AK5: variants seen among roughly 807,000 people sequenced by gnomAD.
The protein encoded by AK5 is adenylate kinase isoenzyme 5.
In AK5, 27 loss-of-function variants were observed where a neutral mutation model predicts 69.5. That is an observed-to-expected ratio of 0.39 (90% CI 0.29 to 0.54). The LOEUF is 0.54. AK5 is among the 20% of genes least tolerant of loss of function. AK5 has a pLI of 0.71. For synonymous variants in AK5, 260 were observed against 244.4 expected, an observed-to-expected ratio of 1.06 and a Z score of -0.60; for missense variants, 531 against 700.4, an observed-to-expected ratio of 0.76 and a Z score of 2.73.
chr1:77,448,963 A>G (rs1330619792), intron 8 of AK5, among the ~76,000 whole-genome samples: 1 of 152,144 alleles, frequency 6.6e-6, no homozygotes, highest in Non-Finnish European at 1.5e-5. Flanking sequence ...ATTTCAGAGG[A>G]TATATGGAAA....
At chr1:77,474,243 A>G (rs1049521945) in intron 8 of AK5, among the ~76,000 whole-genome samples, 1 of 152,196 alleles carries the variant, frequency 6.6e-6, no homozygotes, top group East Asian at 1.9e-4. Context: ...TCAGGCTGGT[A>G]GACTCAGAGT....
intron 5 of AK5, among the ~76,000 whole-genome samples, chr1:77,321,576 C>A (rs755768196): frequency 2.6e-5 from 4 of 151,916 alleles, no homozygotes; most frequent in African/African-American, 4.8e-5. Flanking sequence ...CATTAAAAAA[C>A]CAGCAAATTG....
At chr1:77,315,855 G>T (rs1660217409) in intron 5 of AK5, among the ~76,000 whole-genome samples, 1 of 151,388 alleles carries the variant, frequency 6.6e-6, no homozygotes, top group Non-Finnish European at 1.5e-5. Flanking sequence ...CATCCTCCTG[G>T]ATGTGTGCAC....
intron 8 of AK5, among the ~76,000 whole-genome samples, chr1:77,461,589 G>A (rs1367336578): frequency 2.0e-5 from 3 of 151,772 alleles, no homozygotes; most frequent in Admixed American, 6.6e-5. Context: ...GGCCAACATG[G>A]TGAAATCCCG....
At chr1:77,549,587 C>T (rs941454045) in intron 13 of AK5, among the ~76,000 whole-genome samples, 1 of 151,846 alleles carries the variant, frequency 6.6e-6, no homozygotes, top group Non-Finnish European at 1.5e-5. Flanking sequence ...TTAGCCATTC[C>T]CACTTCCCCC....
At chr1:77,429,504 T>C (rs938494230) in intron 8 of AK5, among the ~76,000 whole-genome samples, 1 of 152,192 alleles carries the variant, frequency 6.6e-6, no homozygotes, top group African/African-American at 2.4e-5. Context: ...TGGGGATACA[T>C]TGGTGGGCAA....
intron 8 of AK5, among the ~76,000 whole-genome samples, chr1:77,475,388 G>GTA (rs1180343414): frequency 2.5e-4 from 4 of 15,730 alleles, no homozygotes; most frequent in African/African-American, 4.8e-4. Context: ...TTATATATAT[G>GTA]TATATATATA....
intron 5 of AK5, among the ~76,000 whole-genome samples, chr1:77,316,725 T>A (rs1195450812): frequency 6.6e-6 from 1 of 152,224 alleles, no homozygotes; most frequent in Non-Finnish European, 1.5e-5. Context: ...CTTAGCTTGT[T>A]TATAATTATT....
At chr1:77,476,391 AT>A (rs1654938029) in intron 8 of AK5, among the ~76,000 whole-genome samples, 1 of 152,140 alleles carries the variant, frequency 6.6e-6, no homozygotes, top group South Asian at 2.1e-4. Flanking sequence ...AAATGTACTT[AT>A]GTTTGTATTT....
At chr1:77,468,625 A>G (rs545618642) in intron 8 of AK5, among the ~76,000 whole-genome samples, 3 of 152,288 alleles carry the variant, frequency 2.0e-5, no homozygotes, top group South Asian at 2.1e-4. Flanking sequence ...TCTTTTTTCT[A>G]TACCACATTA....
Position 77,449,228 on chromosome 1 carries a change from G to T in AK5, c.1059+31513G>T, listed in dbSNP as rs556073476. Among the ~76,000 whole-genome samples, 55 of 152,296 alleles carry T rather than the reference G, an allele frequency of 3.6e-4. No individual in the cohort carries two copies. In the South Asian group the frequency reaches 7.7e-3, roughly 21 times the overall value. The stretch of plus-strand genomic sequence containing the variant: ...AGCCCATGAAAGCAGCCAGAAGAGG[G>T]GGGTATACCCTGCAAAGCCACAGGG... On this transcript the variant is annotated intron_variant, in intron 8 of 13. Coordinates refer to ENST00000354567, the MANE Select transcript of AK5 (RefSeq NM_174858.3).
intron 6 of AK5, among the ~76,000 whole-genome samples, chr1:77,380,167 A>G (rs947013938): frequency 6.6e-6 from 1 of 152,202 alleles, no homozygotes; most frequent in Non-Finnish European, 1.5e-5. Context: ...GATGCCAGAA[A>G]CAACTGCTGA....
At chr1:77,286,842 A>T in intron 1 of AK5, 99 bp from the exon 2 acceptor site, 1 of 796,656 alleles carries the variant, frequency 1.3e-6, no homozygotes, top group Non-Finnish European at 1.7e-6. Flanking sequence ...GTGAGACTCT[A>T]TTTCAAAAAA....
intron 8 of AK5, among the ~76,000 whole-genome samples, chr1:77,443,460 T>A (rs1040835378): frequency 1.3e-5 from 2 of 152,294 alleles, no homozygotes; most frequent in South Asian, 4.1e-4. Context: ...CAGACTATTT[T>A]GATTAAAAGA....
At chr1:77,323,339 A>G (rs1263850705) in intron 5 of AK5, among the ~76,000 whole-genome samples, 5 of 152,164 alleles carry the variant, frequency 3.3e-5, no homozygotes, top group African/African-American at 1.2e-4. Flanking sequence ...CATGCATGTA[A>G]AAGAGTTTTT....
At chr1:77,331,932 T>A (rs1179885593) in intron 5 of AK5, among the ~76,000 whole-genome samples, 1 of 152,136 alleles carries the variant, frequency 6.6e-6, no homozygotes, top group Non-Finnish European at 1.5e-5. Context: ...GTTGAGTTTT[T>A]CTAGAAATCT....
At chr1:77,411,194 A>G (rs1392635251) in intron 7 of AK5, 123 bp downstream of exon 7, 3 of 738,364 alleles carry the variant, frequency 4.1e-6, no homozygotes, top group African/African-American at 3.5e-5. Context: ...AAAGTCTTAT[A>G]CTTTCTGGTA....
intron 5 of AK5, among the ~76,000 whole-genome samples, chr1:77,332,801 A>G (rs2602927): frequency 0.98 from 149,402 of 151,956 alleles, 73,501 homozygotes; most frequent in Non-Finnish European, 1. Context: ...TGGTTGCAGC[A>G]TTATAAATAA....
intron 6 of AK5, among the ~76,000 whole-genome samples, chr1:77,379,880 G>A (rs970898107): frequency 9.2e-5 from 14 of 152,004 alleles, no homozygotes; most frequent in Admixed American, 5.9e-4. Context: ...TATACATTTC[G>A]TAAAGGTCTT....
Sources: allele counts gnomAD v4.1 joint callset (sites outside exome capture counted in the v4.1 genomes callset), GRCh38; gene constraint gnomAD v4.1.1; transcripts MANE v1.5; gene names NCBI Gene and HGNC (gene_info 2026-07-23, HGNC 2026-07-21).